The following MBNL1 variants were observed in gnomAD, a reference collection of about 807,000 sequenced individuals.
The protein encoded by MBNL1 is muscleblind-like protein 1.
A neutral mutation model predicts 42.2 loss-of-function variants in MBNL1; 8 were observed. The observed-to-expected ratio is 0.19, with a 90% CI of 0.11 to 0.34. The LOEUF is 0.34. Among genes scored for constraint, MBNL1 ranks in the 10% least tolerant of loss-of-function variants. The probability of loss-of-function intolerance (pLI) is 1.00; values close to 1 mark genes in which losing one functional copy is unlikely to be tolerated. For synonymous variants in MBNL1, 169 were observed against 173.9 expected (o/e 0.97, Z 0.22); for missense variants, 309 against 495.3 (o/e 0.62, Z 3.57).
At chr3:152,360,734 G>A (rs2095869079) in intron 2 of MBNL1, among the ~76,000 whole-genome samples, 1 of 151,852 alleles carries the variant, frequency 6.6e-6, no homozygotes, top group African/African-American at 2.4e-5. Flanking sequence ...TATAATACTA[G>A]TATAATAAAT....
At chr3:152,325,848 T>C (rs1434336418) in intron 2 of MBNL1, among the ~76,000 whole-genome samples, 1 of 151,954 alleles carries the variant, frequency 6.6e-6, no homozygotes, top group Non-Finnish European at 1.5e-5. Flanking sequence ...TTTAAAAAAT[T>C]TATGGCAATT....
chr3:152,252,383 AG>A (rs1254898612), intron 2 of MBNL1, among the ~76,000 whole-genome samples: 1 of 144,884 alleles, frequency 6.9e-6, no homozygotes, highest in East Asian at 2.0e-4. Flanking sequence ...TTCCAATTTT[AG>A]GGTTTTTCCC....
At chr3:152,460,030 G>A (rs956102827) in intron 9 of MBNL1, among the ~76,000 whole-genome samples, 1 of 152,006 alleles carries the variant, frequency 6.6e-6, no homozygotes, top group African/African-American at 2.4e-5. Context: ...AAGGTGGGTG[G>A]ATTGCTTGAG....
chr3:152,285,550 T>C (rs1277923761), intron 1 of MBNL1, among the ~76,000 whole-genome samples: 1 of 152,174 alleles, frequency 6.6e-6, no homozygotes. Flanking sequence ...TTTGCTATTT[T>C]TGAATAATAG....
chr3:152,259,023 C>T (rs1246661235), intron 2 of MBNL1, among the ~76,000 whole-genome samples: 1 of 152,164 alleles, frequency 6.6e-6, no homozygotes. Flanking sequence ...TCAAAGGTCT[C>T]CGAAGGGGAA....
chr3:152,354,884 C>G (rs1337933408), intron 2 of MBNL1, among the ~76,000 whole-genome samples: 3 of 152,128 alleles, frequency 2.0e-5, no homozygotes, highest in South Asian at 4.1e-4. Context: ...TGTTTTCACT[C>G]TGGTTTCTCT....
chr3:152,276,160 G>A (rs2045056928), intron 1 of MBNL1, among the ~76,000 whole-genome samples: 1 of 151,956 alleles, frequency 6.6e-6, no homozygotes, highest in Non-Finnish European at 1.5e-5. Context: ...TTATTCCAAT[G>A]TTCATGTTTT....
At chr3:152,306,805 G>C (rs1039341560) in intron 2 of MBNL1, among the ~76,000 whole-genome samples, 1 of 152,140 alleles carries the variant, frequency 6.6e-6, no homozygotes, top group Non-Finnish European at 1.5e-5. Context: ...AAGCATCTGG[G>C]TAAGGGAGGT....
At chr3:152,446,802 T>C in intron 5 of MBNL1, 1 of 1,519,260 alleles carries the variant, frequency 6.6e-7, no homozygotes, top group South Asian at 1.2e-5. Context: ...AGCTTTATTG[T>C]AGATACAAGT....
chr3:152,330,898 G>T (rs1322227552), intron 2 of MBNL1, among the ~76,000 whole-genome samples: 2 of 152,018 alleles, frequency 1.3e-5, no homozygotes, highest in Non-Finnish European at 2.9e-5. Context: ...GGGGGTCTTG[G>T]AATGTATTCC....
Position 152,447,600 on chromosome 3 carries a change from T to A in MBNL1, c.808-20T>A, listed in dbSNP as rs1731595. On this transcript the variant is annotated intron_variant, in intron 5 of 9. Coordinates refer to ENST00000324210, the MANE Select transcript of MBNL1 (RefSeq NM_021038.5). Reference sequence around the variant, plus strand: ...TCTCTTTTTACTGGTATTTGTTTTTTATACTCATTCACTAAACAGGGAATT... The same window carrying A: ...TCTCTTTTTACTGGTATTTGTTTTTAATACTCATTCACTAAACAGGGAATT... The A allele has an allele frequency of 2.5e-6, 4 of 1,601,702 alleles. No individual in the cohort carries two copies. Among genetic ancestry groups the A allele is most frequent in the Non-Finnish European group, 3.4e-6 (4 of 1,173,566 alleles).
chr3:152,336,786 C>T (rs975661052), intron 2 of MBNL1, among the ~76,000 whole-genome samples: 2 of 151,998 alleles, frequency 1.3e-5, no homozygotes, highest in Non-Finnish European at 1.5e-5. Flanking sequence ...ATCAATTTTC[C>T]CAACACAGGA....
chr3:152,398,120 T>C (rs545193165), intron 2 of MBNL1, among the ~76,000 whole-genome samples: 1 of 152,344 alleles, frequency 6.6e-6, no homozygotes, highest in East Asian at 1.9e-4. Context: ...TTTGAAATTA[T>C]TTTAAATTAT....
chr3:152,405,935 A>C (rs1365816890), intron 2 of MBNL1, among the ~76,000 whole-genome samples: 1 of 152,162 alleles, frequency 6.6e-6, no homozygotes, highest in Admixed American at 6.5e-5. Context: ...TAGAAATCTG[A>C]TTGTTGCTGT....
chr3:152,439,030 T>G (rs1352824988), intron 4 of MBNL1, among the ~76,000 whole-genome samples: 2 of 152,166 alleles, frequency 1.3e-5, no homozygotes, highest in African/African-American at 2.4e-5. Flanking sequence ...AAAGCATGAG[T>G]ATTCCAGGAA....
intron 2 of MBNL1, among the ~76,000 whole-genome samples, chr3:152,382,422 G>A (rs930527866): frequency 3.3e-5 from 5 of 151,964 alleles, no homozygotes; most frequent in South Asian, 2.1e-4. Flanking sequence ...GAATTCATAC[G>A]TTGTGTTAGC....
chr3:152,357,049 TCTTCA>T (rs2153070308), intron 2 of MBNL1, among the ~76,000 whole-genome samples: 1 of 152,240 alleles, frequency 6.6e-6, no homozygotes, highest in African/African-American at 2.4e-5. Context: ...TAAATGTTGG[TCTTCA>T]CTTTACTCAT....
chr3:152,330,575 A>G (rs1404468388), intron 2 of MBNL1, among the ~76,000 whole-genome samples: 1 of 152,220 alleles, frequency 6.6e-6, no homozygotes, highest in East Asian at 1.9e-4. Flanking sequence ...GGAATACATC[A>G]CTGTGTGTCA....
At chr3:152,297,387 G>A (rs1410752381) in intron 1 of MBNL1, among the ~76,000 whole-genome samples, 1 of 140,622 alleles carries the variant, frequency 7.1e-6, no homozygotes, top group African/African-American at 2.7e-5. Flanking sequence ...ACTGTCTTCC[G>A]GCCTGGAGTG....
Sources: gnomAD v4.1 joint callset for allele counts (sites outside exome capture counted in the v4.1 genomes callset) on GRCh38, gnomAD v4.1.1 for gene constraint, MANE v1.5 for transcripts, NCBI Gene and HGNC (gene_info 2026-07-23, HGNC 2026-07-21) for gene names.